MID1: variants seen among roughly 807,000 people sequenced by gnomAD.
The protein encoded by MID1 is E3 ubiquitin-protein ligase Midline-1.
Under a neutral mutation model 40.4 loss-of-function variants are expected in MID1, and 7 were observed. The ratio of observed to expected loss-of-function variants is 0.17; its 90% CI spans 0.10 to 0.33. The LOEUF (loss-of-function observed/expected upper bound fraction) is 0.33, where lower values mean the gene tolerates loss of function less well. Ranked by LOEUF, MID1 falls within the 10% of genes least tolerant of loss-of-function variation. The pLI is 1.00. For missense variants in MID1, 367 were observed against 558.5 expected (o/e 0.66, Z 3.46); for synonymous variants, 229 against 221.2 (o/e 1.04, Z -0.31).
intron 2 of MID1, among the ~76,000 whole-genome samples, chrX:10,562,796 T>A (rs1934395346): frequency 9.4e-6 from 1 of 106,585 alleles, no homozygotes; most frequent in Non-Finnish European, 1.9e-5. Context: ...TTGTCATCTC[T>A]TGCCTGCAGA....
At chrX:10,509,862 C>T (rs939267256) in intron 3 of MID1, among the ~76,000 whole-genome samples, 2 of 112,124 alleles carry the variant, frequency 1.8e-5, no homozygotes, top group South Asian at 7.4e-4. Context: ...TAGTCAAGTG[C>T]TGCATGCTAA....
rs181762851 is a variant in MID1, at chrX:10,585,027, G to A, written c.-56-17424C>T. ...CAGGGGCTTCATGCACCGGTGGTTA[G>A]AGTGAAACAGAACAGACTGGGAAGT... is the stretch of plus-strand genomic sequence containing the variant. On this transcript the variant is annotated intron_variant, in intron 1 of 9. Transcript: ENST00000317552. 3.5e-3 allele frequency among the ~76,000 whole-genome samples: 390 copies of A among 110,846 alleles called. 2 individuals are homozygous for A. The highest frequency in any genetic ancestry group is 0.012 in the African/African-American group (375 of 30,441).
intron 1 of MID1, among the ~76,000 whole-genome samples, chrX:10,646,592 G>C (rs763074317): frequency 1.4e-4 from 16 of 111,412 alleles, no homozygotes; most frequent in Non-Finnish European, 2.6e-4. Flanking sequence ...TAAAGTTCAG[G>C]AGAAAAATGT....
chrX:10,454,102 CTT>C (rs758719191), intron 9 of MID1, among the ~76,000 whole-genome samples: 35 of 112,255 alleles, frequency 3.1e-4, no homozygotes, highest in African/African-American at 1.1e-3. Flanking sequence ...GCAAGGTTAA[CTT>C]TGTGAGGTTA....
At chrX:10,699,545 T>C (rs148912659) in intron 1 of MID1, among the ~76,000 whole-genome samples, 1,163 of 111,684 alleles carry the variant, frequency 0.01, 22 homozygotes, top group African/African-American at 0.036. Context: ...ATCACTTGTT[T>C]TCTCTGGCCC....
intron 1 of MID1, among the ~76,000 whole-genome samples, chrX:10,741,542 T>C (rs947453958): frequency 9.1e-6 from 1 of 109,647 alleles, no homozygotes; most frequent in Non-Finnish European, 1.9e-5. Flanking sequence ...CAATCTTTTT[T>C]TTTTCCACTT....
At chrX:10,610,031 T>C (rs1935708780) in intron 1 of MID1, among the ~76,000 whole-genome samples, 1 of 112,334 alleles carries the variant, frequency 8.9e-6, no homozygotes, top group African/African-American at 3.2e-5. Flanking sequence ...TTTTTGTTTT[T>C]CTAAACAGAG....
At chrX:10,456,829 A>ACTGT (rs1928701787) in intron 8 of MID1, among the ~76,000 whole-genome samples, 1 of 111,365 alleles carries the variant, frequency 9.0e-6, no homozygotes, top group African/African-American at 3.3e-5. Context: ...AGAGTGAGGC[A>ACTGT]CTGTCTCAAA....
chrX:10,784,029 A>C (rs1266243971), intron 1 of MID1, among the ~76,000 whole-genome samples: 2 of 112,015 alleles, frequency 1.8e-5, no homozygotes, highest in Non-Finnish European at 3.8e-5. Context: ...ATTTTTTATA[A>C]AAAGAATAAA....
chrX:10,582,753 C>T (rs1003820136), intron 1 of MID1: 5 of 111,649 alleles, frequency 4.5e-5, no homozygotes, highest in Non-Finnish European at 9.4e-5. Context: ...AGTCCCAAAA[C>T]AGCTTGGGTC....
At chrX:10,774,345 C>G (rs1173078650) in intron 1 of MID1, among the ~76,000 whole-genome samples, 1 of 110,436 alleles carries the variant, frequency 9.1e-6, no homozygotes, top group Non-Finnish European at 1.9e-5. Flanking sequence ...AATTCCTACT[C>G]AAAAGAAACA....
chrX:10,459,940 C>T lies in MID1; in HGVS notation c.1286-133G>A, dbSNP rs113782528. ...AGTGCTTTGTCTTGGTAGTCATGTA[C>T]GAAAAACTGACTTCACTAACGTAGA... is the stretch of plus-strand genomic sequence containing the variant. On this transcript the variant is annotated intron_variant, in intron 7 of 9. Coordinates refer to ENST00000317552, the MANE Select transcript of MID1 (RefSeq NM_000381.4). The T allele has an allele frequency of 9.6e-5, 68 of 706,573 alleles. 3 individuals are homozygous for T. Among genetic ancestry groups the T allele is most frequent in the African/African-American group, 5.7e-4 (27 of 47,423 alleles). 58.2% of individuals were successfully genotyped at this position (706,573 alleles called of 1,213,427 possible).
At chrX:10,744,930 C>T (rs1458086256) in intron 1 of MID1, among the ~76,000 whole-genome samples, 1 of 112,125 alleles carries the variant, frequency 8.9e-6, no homozygotes, top group Admixed American at 9.4e-5. Context: ...GATTTAAAAA[C>T]TAGATTGAAA....
intron 1 of MID1, among the ~76,000 whole-genome samples, chrX:10,704,610 A>G (rs1295727700): frequency 1.9e-5 from 2 of 107,383 alleles, no homozygotes; most frequent in East Asian, 5.8e-4. Context: ...TCCAAATGTC[A>G]TTGCATCAAC....
At chrX:10,642,250 C>T (rs1377028268) in intron 1 of MID1, among the ~76,000 whole-genome samples, 59 of 100,092 alleles carry the variant, frequency 5.9e-4, no homozygotes, top group East Asian at 1.3e-3. Context: ...GATGACATGA[C>T]TGTATATTTA....
intron 7 of MID1, among the ~76,000 whole-genome samples, chrX:10,466,800 C>A (rs1602261046): frequency 8.9e-6 from 1 of 111,818 alleles, no homozygotes; most frequent in African/African-American, 3.3e-5. Context: ...TTTAATTCCA[C>A]GTTAAGTTTA....
At chrX:10,764,151 G>A (rs890294201) in intron 1 of MID1, among the ~76,000 whole-genome samples, 1 of 111,757 alleles carries the variant, frequency 8.9e-6, no homozygotes, top group Admixed American at 9.5e-5. Flanking sequence ...CTTTTGCTGT[G>A]CAGAAGCTCT....
At chrX:10,707,611 C>T (rs1440524839) in intron 1 of MID1, among the ~76,000 whole-genome samples, 2 of 112,252 alleles carry the variant, frequency 1.8e-5, no homozygotes, top group African/African-American at 6.5e-5. Flanking sequence ...AACTTACATT[C>T]TTCCCAAAGA....
At chrX:10,601,901 GTT>G (rs61428047) in intron 1 of MID1, among the ~76,000 whole-genome samples, 2 of 96,285 alleles carry the variant, frequency 2.1e-5, no homozygotes. Context: ...TTTTGTTTTT[GTT>G]TTTTTTTTTT....
Sources: allele counts gnomAD v4.1 joint callset (sites outside exome capture counted in the v4.1 genomes callset), GRCh38; gene constraint gnomAD v4.1.1; transcripts MANE v1.5; gene names NCBI Gene and HGNC (gene_info 2026-07-23, HGNC 2026-07-21).